Variants in MTREX observed in about 807,000 individuals in gnomAD.
MTREX encodes the protein exosome RNA helicase MTR4.
MTREX carries 76 observed loss-of-function variants against 135.4 expected under a neutral mutation model. The ratio of observed to expected loss-of-function variants is 0.56; its 90% CI spans 0.47 to 0.68. The LOEUF (loss-of-function observed/expected upper bound fraction) is 0.68, where lower values mean the gene tolerates loss of function less well. Ranked by LOEUF, MTREX falls within the 30% of genes least tolerant of loss-of-function variation. MTREX has a pLI of 0.00. For synonymous variants in MTREX, 404 were observed against 401.6 expected (o/e 1.01, Z -0.07); for missense variants, 920 against 1,262.1 (o/e 0.73, Z 4.11).
chr5:55,389,391 T>C (rs1383546557), intron 19 of MTREX, among the ~76,000 whole-genome samples: 1 of 152,204 alleles, frequency 6.6e-6, no homozygotes, highest in East Asian at 1.9e-4. Context: ...AAGAAAATTA[T>C]ATAGGCAGTC....
chr5:55,411,921 TCTTA>T (rs933824600), intron 23 of MTREX, among the ~76,000 whole-genome samples: 7 of 152,174 alleles, frequency 4.6e-5, no homozygotes, highest in Non-Finnish European at 1.0e-4. Flanking sequence ...TCAAATTTTG[TCTTA>T]CTTTTCATTA....
intron 5 of MTREX, among the ~76,000 whole-genome samples, chr5:55,331,818 T>A (rs55864037): frequency 0.18 from 27,699 of 152,092 alleles, 2,639 homozygotes; most frequent in Admixed American, 0.19. Context: ...AATTTTGGAT[T>A]ACCTACTTTG....
At chr5:55,409,331 A>G (rs893127852) in intron 22 of MTREX, among the ~76,000 whole-genome samples, 1 of 152,304 alleles carries the variant, frequency 6.6e-6, no homozygotes, top group African/African-American at 2.4e-5. Flanking sequence ...AACGTCTATG[A>G]TAAGAACCTG....
chr5:55,313,064 C>T (rs1749140139), intron 1 of MTREX, among the ~76,000 whole-genome samples: 1 of 152,002 alleles, frequency 6.6e-6, no homozygotes. Context: ...ACTGACATTT[C>T]CAGTACAATT....
At chr5:55,356,478 A>G (rs1450629662) in intron 14 of MTREX, 30 of 204,580 alleles carry the variant, frequency 1.5e-4, no homozygotes, top group Non-Finnish European at 2.2e-4. Context: ...GAACTGGTGC[A>G]GATTCTTCGT....
chr5:55,409,192 T>A (rs1460216519), intron 22 of MTREX, among the ~76,000 whole-genome samples: 1 of 152,072 alleles, frequency 6.6e-6, no homozygotes, highest in Non-Finnish European at 1.5e-5. Flanking sequence ...GCTCAAGAGA[T>A]CTACCTGTTT....
rs542974745 is a variant in MTREX, at chr5:55,394,992, C to T, written c.2182-2424C>T. ...AGATTGCAGTGAACCGAGATCGCACCGCTGCACTCCAGCCTGGGTGGCAGA... is the reference window on the plus strand; with the variant it reads ...AGATTGCAGTGAACCGAGATCGCACTGCTGCACTCCAGCCTGGGTGGCAGA... On this transcript the variant is annotated intron_variant, in intron 19 of 26. Transcript: ENST00000230640. Among the ~76,000 whole-genome samples the T allele has an allele frequency of 8.2e-4, 124 of 151,154 alleles. 1 individual carries two copies. Among genetic ancestry groups the T allele is most frequent in the Admixed American group, 5.1e-3 (77 of 15,178 alleles).
intron 5 of MTREX, among the ~76,000 whole-genome samples, chr5:55,329,939 A>C (rs1274109963): frequency 6.6e-6 from 1 of 151,964 alleles, no homozygotes; most frequent in African/African-American, 2.4e-5. Flanking sequence ...AAGTTGTCTC[A>C]CAACTCACTG....
At position 55,422,919 on chromosome 5, in the gene MTREX, C is replaced by A; in HGVS notation, c.3013C>A (p.Arg1005=). The change falls in exon 26 of 27, where the codon CGA becomes AGA. Residue 1005 remains arginine (R), a synonymous_variant. Transcript: ENST00000230640. ...TATGAGGCGCCTGGAAGAATTGCTT[C>A]GACAAATGTGTCAAGCAGCAAAAGC... ...RCMRRLEELL[R]QMCQAAKAIG... is the part of the protein sequence containing the mutation. 3.7e-6 allele frequency: 6 copies of A among 1,613,972 alleles called. No homozygotes were observed. Among genetic ancestry groups the A allele is most frequent in the East Asian group, 4.5e-5 (2 of 44,876 alleles).
chr5:55,401,719 G>A (rs1297019767), intron 21 of MTREX, among the ~76,000 whole-genome samples: 1 of 152,138 alleles, frequency 6.6e-6, no homozygotes, highest in Admixed American at 6.5e-5. Context: ...CAGCTTTTTA[G>A]CATAATTAGC....
At chr5:55,374,104 A>G (rs1050137957) in intron 16 of MTREX, among the ~76,000 whole-genome samples, 1 of 151,888 alleles carries the variant, frequency 6.6e-6, no homozygotes, top group African/African-American at 2.4e-5. Flanking sequence ...CTAAAAATAC[A>G]AAATTTAGCC....
At chr5:55,408,917 TTTTATTTATTTATTTATTTATTTATTTA>T (rs140029940) in intron 22 of MTREX, among the ~76,000 whole-genome samples, 6 of 144,244 alleles carry the variant, frequency 4.2e-5, no homozygotes, top group East Asian at 2.1e-4. Flanking sequence ...TGAACAATAT[TTTTATTTATTTATTTATTTATTTATTTA>T]TTTATTTATT....
chr5:55,308,545 A>G (rs917141652), intron 1 of MTREX, among the ~76,000 whole-genome samples: 1 of 152,134 alleles, frequency 6.6e-6, no homozygotes, highest in Non-Finnish European at 1.5e-5. Flanking sequence ...GCAGATAATA[A>G]CATGAGAAGG....
At chr5:55,344,689 T>C in intron 9 of MTREX, 69 bp downstream of exon 9, 1 of 897,018 alleles carries the variant, frequency 1.1e-6, no homozygotes, top group Non-Finnish European at 1.7e-6. Context: ...GTTGTTGTTG[T>C]TTTTAAATTT....
chr5:55,333,405 T>C (rs534634265), intron 5 of MTREX, among the ~76,000 whole-genome samples: 1 of 152,226 alleles, frequency 6.6e-6, no homozygotes, highest in Non-Finnish European at 1.5e-5. Context: ...CTACTCTTAG[T>C]TCAATTATTT....
intron 18 of MTREX, among the ~76,000 whole-genome samples, chr5:55,385,716 G>A (rs1750468021): frequency 6.6e-6 from 1 of 151,994 alleles, no homozygotes; most frequent in African/African-American, 2.4e-5. Flanking sequence ...TTCTTCAGTT[G>A]CTGGGGAGCA....
At chr5:55,320,870 T>C (rs1365542951) in intron 1 of MTREX, among the ~76,000 whole-genome samples, 1 of 152,196 alleles carries the variant, frequency 6.6e-6, no homozygotes, top group African/African-American at 2.4e-5. Context: ...AAATACCCTG[T>C]CCTTTTTTAG....
chr5:55,411,276 T>G (rs980245867), intron 23 of MTREX, among the ~76,000 whole-genome samples: 1 of 152,222 alleles, frequency 6.6e-6, no homozygotes, highest in Admixed American at 6.5e-5. Context: ...TGTTTTGCAT[T>G]TCAAATTTAA....
At chr5:55,353,733 GT>G (rs1749864894) in intron 14 of MTREX, among the ~76,000 whole-genome samples, 2 of 151,900 alleles carry the variant, frequency 1.3e-5, no homozygotes, top group Non-Finnish European at 2.9e-5. Flanking sequence ...ACAAACCTCC[GT>G]TCCCTTAAAT....
Sources: gnomAD v4.1 joint callset for allele counts (sites outside exome capture counted in the v4.1 genomes callset) on GRCh38, gnomAD v4.1.1 for gene constraint, MANE v1.5 for transcripts, NCBI Gene and HGNC (gene_info 2026-07-23, HGNC 2026-07-21) for gene names.